The following SCARF1 variants were observed in gnomAD, a reference collection of about 807,000 sequenced individuals.
The protein encoded by SCARF1 is acetyl LDL receptor.
In SCARF1, 49 loss-of-function variants were observed where a neutral mutation model predicts 76.3. That is an observed-to-expected ratio of 0.64 (90% CI 0.51 to 0.81). The LOEUF is 0.81. Among genes scored for constraint, SCARF1 ranks in the 40% least tolerant of loss-of-function variants. The pLI is 0.00. For missense variants in SCARF1, 1,098 were observed against 1,143.9 expected (o/e 0.96, Z 0.58); for synonymous variants, 495 against 474.6 (o/e 1.04, Z -0.56).
intron 6 of SCARF1, 76 bp from the exon 7 acceptor site, chr17:1,639,818 T>G: frequency 6.2e-7 from 1 of 1,605,258 alleles, no homozygotes; most frequent in Non-Finnish European, 8.5e-7. Flanking sequence ...GCAGGGAGAT[T>G]TCTGGGCACT....
chr17:1,640,473 A>G lies in SCARF1; in HGVS notation c.985T>C (p.Cys329Arg), dbSNP rs1427875449. 1 of 1,565,012 alleles carries G rather than the reference A, an allele frequency of 6.4e-7. No individual in the cohort carries two copies. The highest frequency in any genetic ancestry group is 1.4e-5 in the African/African-American group (1 of 73,492). Residue 329 changes from cysteine to arginine, a missense_variant, in exon 5 of 11, where the codon TGT (cysteine) becomes CGT (arginine). By Grantham distance (180) the Cys-to-Arg change is radical (BLOSUM62 -3). Coordinates refer to ENST00000263071, the MANE Select transcript of SCARF1 (RefSeq NM_003693.4). The surrounding 1 kb of genome is among the most constrained non-coding windows in gnomAD (Gnocchi z 4.7). ...CEPDTGHCQRCDPGWLGPRCE... is the reference protein window; with the variant it reads ...CEPDTGHCQRRDPGWLGPRCE... Reference sequence around the variant, plus strand: ...CTGGGCCCCAGCCAGCCAGGGTCACAGCGCTGACAGTGGCCAGTATCTGGC... The same window carrying G: ...CTGGGCCCCAGCCAGCCAGGGTCACGGCGCTGACAGTGGCCAGTATCTGGC...
Position 1,643,693 on chromosome 17 carries a change from C to T in SCARF1, c.540G>A (p.Val180=), listed in dbSNP as rs1308677931. The T allele has an allele frequency of 7.6e-6, 11 of 1,447,888 alleles. No individual in the cohort carries two copies. Among genetic ancestry groups the T allele is most frequent in the Non-Finnish European group, 9.0e-6 (10 of 1,108,108 alleles). 89.7% of individuals were successfully genotyped at this position (1,447,888 alleles called of 1,614,324 possible). ...GGCGCCCCCACCAGCCCGGCTTGCA[C>T]ACGCAGGCGCCCGTGGCCTGCTCGC... ...ARCEQATGAC[V]CKPGWWGRRC... is the part of the protein sequence containing the mutation. Residue 180 remains valine, a synonymous_variant, in exon 4 of 11, where the codon GTG becomes GTA. Coordinates refer to ENST00000263071, the MANE Select transcript of SCARF1 (RefSeq NM_003693.4).
In SCARF1 at chr17:1,634,568, T is replaced by G; in HGVS notation, c.*190A>C. ...CCCTTCCTGACCCCATCCTACAGGG[T>G]CTCTGCCCAGGCCTTCCTGGGCCCC... On this transcript the variant is annotated 3_prime_UTR_variant, in exon 11 of 11. Coordinates refer to ENST00000263071, the MANE Select transcript of SCARF1 (RefSeq NM_003693.4). 1 of 644,028 alleles carries G rather than the reference T, an allele frequency of 1.6e-6. No homozygotes were observed. Among genetic ancestry groups the G allele is most frequent in the Non-Finnish European group, 2.5e-6 (1 of 400,392 alleles). 39.9% of individuals were successfully genotyped at this position (644,028 alleles called of 1,614,324 possible).
rs1909979472 is a variant in SCARF1, at chr17:1,640,679, G to A, written c.792-13C>T. ...GCAGCGGCCACAGCTGGGAAGAGAA[G>A]GGCTTCGTGGGAACAGTGGGGGTGG... On this transcript the variant is annotated splice_polypyrimidine_tract_variant and intron_variant, in intron 4 of 10. Transcript: ENST00000263071. The surrounding 1 kb of genome is among the most constrained non-coding windows in gnomAD (Gnocchi z 4.7). 1.2e-6 allele frequency: 2 copies of A among 1,606,770 alleles called. No homozygotes were observed. Among genetic ancestry groups the A allele is most frequent in the Non-Finnish European group, 8.5e-7 (1 of 1,176,354 alleles).
chr17:1,634,741 C>G lies in SCARF1; in HGVS notation c.*17G>C. ...GTCTAGTCCATCCACTCTCCCCACT[C>G]CCCAAATTCAAGGTCATCAGGGTTC... is the stretch of plus-strand genomic sequence containing the variant. On this transcript the variant is annotated 3_prime_UTR_variant, in exon 11 of 11. Coordinates refer to ENST00000263071, the MANE Select transcript of SCARF1 (RefSeq NM_003693.4). 1 of 1,567,642 alleles carries G rather than the reference C, an allele frequency of 6.4e-7. No individual in the cohort carries two copies. Among genetic ancestry groups the G allele is most frequent in the Non-Finnish European group, 8.7e-7 (1 of 1,153,578 alleles).
intron 7 of SCARF1, among the ~76,000 whole-genome samples, chr17:1,639,154 G>A (rs747866433): frequency 4.6e-5 from 7 of 152,312 alleles, no homozygotes; most frequent in South Asian, 2.1e-4. Context: ...TCGCAGGGGC[G>A]GGGGCTCTGT....
Position 1,644,968 on chromosome 17 carries a change from G to A in SCARF1, c.164-33C>T. 1 of 1,604,462 alleles carries A rather than the reference G, an allele frequency of 6.2e-7. No homozygotes were observed. Among genetic ancestry groups the A allele is most frequent in the Non-Finnish European group, 8.5e-7 (1 of 1,175,368 alleles). On this transcript the variant is annotated intron_variant, in intron 2 of 10. Coordinates refer to ENST00000263071, the MANE Select transcript of SCARF1 (RefSeq NM_003693.4). The surrounding 1 kb of genome is among the most constrained non-coding windows in gnomAD (Gnocchi z 4.8). ...ACACCCCACCCAGGTTGGAAAGACGGGAGCAGGACCAGGGGACACCCCTGC... is the reference window on the plus strand; with the variant it reads ...ACACCCCACCCAGGTTGGAAAGACGAGAGCAGGACCAGGGGACACCCCTGC...
Position 1,643,669 on chromosome 17 carries a change from G to T in SCARF1, c.564C>A (p.Arg188=). 6.8e-7 allele frequency: 1 copy of T among 1,467,322 alleles called. No homozygotes were observed. The highest frequency in any genetic ancestry group is 9.0e-7 in the Non-Finnish European group (1 of 1,116,760). 90.9% of individuals were successfully genotyped at this position (1,467,322 alleles called of 1,614,324 possible). ...ACVCKPGWWG[R]RCSFRCNCHG... ...GGCAGTTGCAGCGGAAGCTGCAGCG[G>T]CGCCCCCACCAGCCCGGCTTGCACA... The change falls in exon 4 of 11, where the codon CGC becomes CGA. Residue 188 remains arginine (R), a synonymous_variant. Transcript: ENST00000263071.
Position 1,636,842 on chromosome 17 carries a change from G to T in SCARF1, c.1500C>A (p.Asp500Glu). 1 of 1,614,020 alleles carries T rather than the reference G, an allele frequency of 6.2e-7. No individual in the cohort carries two copies. Among genetic ancestry groups the T allele is most frequent in the East Asian group, 2.2e-5 (1 of 44,870 alleles). Residue 500 changes from aspartate to glutamate, a missense_variant, in exon 10 of 11, where the codon GAC becomes GAA. Asp to Glu is a conservative substitution (Grantham distance 45). Coordinates refer to ENST00000263071, the MANE Select transcript of SCARF1 (RefSeq NM_003693.4). ...KLPWVTVSHH[D>E]PEVPFNHSFI... is the part of the protein sequence containing the mutation. ...AGCTGTGGTTGAAGGGGACCTCCGG[G>T]TCGTGATGTGAGACTGTAGAGACTC...
Position 1,643,683 on chromosome 17 carries a change from C to A in SCARF1, c.550G>T (p.Gly184Cys), listed in dbSNP as rs1247272360. The A allele has an allele frequency of 6.9e-7, 1 of 1,459,076 alleles. No homozygotes were observed. Among genetic ancestry groups the A allele is most frequent in the Non-Finnish European group, 9.0e-7 (1 of 1,113,168 alleles). 90.4% of individuals were successfully genotyped at this position (1,459,076 alleles called of 1,614,324 possible). ...AAGCTGCAGCGGCGCCCCCACCAGCCCGGCTTGCACACGCAGGCGCCCGTG... is the reference window on the plus strand; with the variant it reads ...AAGCTGCAGCGGCGCCCCCACCAGCACGGCTTGCACACGCAGGCGCCCGTG... ...QATGACVCKPGWWGRRCSFRC... is the reference protein window; with the variant it reads ...QATGACVCKPCWWGRRCSFRC... The change falls in exon 4 of 11, where the codon GGC becomes TGC. Residue 184 changes from glycine (G) to cysteine (C), a missense_variant. By Grantham distance (159) the Gly-to-Cys change is radical. Coordinates refer to ENST00000263071, the MANE Select transcript of SCARF1 (RefSeq NM_003693.4).
At position 1,643,834 on chromosome 17, in the gene SCARF1, G is replaced by T; in HGVS notation, c.399C>A (p.Cys133Ter). 2.4e-6 allele frequency: 3 copies of T among 1,270,072 alleles called. No homozygotes were observed. Among genetic ancestry groups the T allele is most frequent in the Non-Finnish European group, 3.0e-6 (3 of 1,011,038 alleles). 78.7% of individuals were successfully genotyped at this position (1,270,072 alleles called of 1,614,324 possible). Residue 133 changes from cysteine (C) to a stop codon, truncating the protein, a stop_gained, in exon 4 of 11, where the codon TGC (cysteine) becomes TGA (stop). Transcript: ENST00000263071. LOFTEE classifies it high-confidence loss of function. ...CGCAGCGCCCGTGGGGGCCGCAGGCGCACGGGAACTCGCAGCGGGCTCCCC... is the reference window on the plus strand; with the variant it reads ...CGCAGCGCCCGTGGGGGCCGCAGGCTCACGGGAACTCGCAGCGGGCTCCCC... ...DRWGARCEFP[C>*]ACGPHGRCDP...
In SCARF1 at chr17:1,640,373, G is replaced by A; in HGVS notation, c.1010+75C>T. 1 of 1,330,882 alleles carries A rather than the reference G, an allele frequency of 7.5e-7. No individual in the cohort carries two copies. The highest frequency in any genetic ancestry group is 1.0e-6 in the Non-Finnish European group (1 of 962,084). The allele number at this position is 1,330,882 out of a possible 1,614,324, so 82.4% of individuals were successfully genotyped here. ...GAACCTGTGTGTCGGGGAGGGTGGTGCTCTCGGAGAGAGCCGCTGAGCTGA... is the reference window on the plus strand; with the variant it reads ...GAACCTGTGTGTCGGGGAGGGTGGTACTCTCGGAGAGAGCCGCTGAGCTGA... On this transcript the variant is annotated intron_variant, in intron 5 of 10. Coordinates refer to ENST00000263071, the MANE Select transcript of SCARF1 (RefSeq NM_003693.4). The surrounding 1 kb of genome is among the most constrained non-coding windows in gnomAD (Gnocchi z 4.7).
At position 1,639,989 on chromosome 17, in the gene SCARF1, G is replaced by A; in HGVS notation, c.1062C>T (p.Thr354=). Residue 354 remains threonine (T), a synonymous_variant, in exon 6 of 11, where the codon ACC becomes ACT. Coordinates refer to ENST00000263071, the MANE Select transcript of SCARF1 (RefSeq NM_003693.4). Reference sequence around the variant, plus strand: ...AGGACCCCTGAACACAGGTGGGGCAGGTAGAGCCACAGTCTTCCCCAAAGG... The same window carrying A: ...AGGACCCCTGAACACAGGTGGGGCAAGTAGAGCCACAGTCTTCCCCAAAGG... The part of the protein sequence containing the change: ...TGTFGEDCGS[T]CPTCVQGSCD... The A allele has an allele frequency of 6.2e-7, 1 of 1,614,038 alleles. No individual in the cohort carries two copies. The highest frequency in any genetic ancestry group is 8.5e-7 in the Non-Finnish European group (1 of 1,179,998).
At position 1,645,040 on chromosome 17, in the gene SCARF1, C is replaced by G; in HGVS notation, c.164-105G>C. 1 of 1,523,758 alleles carries G rather than the reference C, an allele frequency of 6.6e-7. No homozygotes were observed. The highest frequency in any genetic ancestry group is 9.0e-7 in the Non-Finnish European group (1 of 1,113,022). 94.4% of individuals were successfully genotyped at this position (1,523,758 alleles called of 1,614,324 possible). On this transcript the variant is annotated intron_variant, in intron 2 of 10. Coordinates refer to ENST00000263071, the MANE Select transcript of SCARF1 (RefSeq NM_003693.4). The surrounding 1 kb of genome is among the most constrained non-coding windows in gnomAD (Gnocchi z 6.3). ...CATGCCTCCTCAAGAGGTGCCCCTT[C>G]AGGCCTGGGGGTGCGTCACAGGAGA...
chr17:1,644,321 A>T lies in SCARF1; in HGVS notation c.266-354T>A, dbSNP rs1373932718. 3.4e-6 allele frequency: 1 copy of T among 292,940 alleles called. No homozygotes were observed. Among genetic ancestry groups the T allele is most frequent in the Non-Finnish European group, 6.3e-6 (1 of 158,030 alleles). 18.1% of individuals were successfully genotyped at this position (292,940 alleles called of 1,614,324 possible). A position where few individuals can be genotyped will look rare whatever the true frequency, so the allele number is the denominator to read the frequency against. ...ATGGATCTCTGCTGGGCTGGAGGAG[A>T]GCTGGCTTTCTCCTGATCTCAGGCC... On this transcript the variant is annotated intron_variant, in intron 3 of 10. Transcript: ENST00000263071. This position sits in a 1 kb window ranked among gnomAD's most constrained non-coding sequence, Gnocchi z 4.8.
In SCARF1 at chr17:1,635,047, G is replaced by C. The variant is rs765680418; in HGVS notation, c.2204C>G (p.Ala735Gly). 2 of 1,613,912 alleles carry C rather than the reference G, an allele frequency of 1.2e-6. No individual in the cohort carries two copies. The highest frequency in any genetic ancestry group is 1.1e-5 in the South Asian group (1 of 91,086). ...KRAIPKPPRQ[A>G]LNRKKGSPGL... ...AGGGCTGCCCTTTTTCCGATTCAGG[G>C]CCTGGCGCGGAGGCTTAGGGATGGC... The change falls in exon 11 of 11, where the codon GCC (alanine) becomes GGC (glycine). Residue 735 changes from alanine (A) to glycine (G), a missense_variant. Physicochemically the swap from Ala to Gly is moderately conservative, Grantham distance 60. Transcript: ENST00000263071.
At chr17:1,643,396 C>G in intron 4 of SCARF1, 46 bp downstream of exon 4, 2 of 739,078 alleles carry the variant, frequency 2.7e-6, no homozygotes, top group East Asian at 7.2e-5. Context: ...TCACTTGTGT[C>G]CGCCCCCGCC....
In SCARF1 at chr17:1,640,597, G is replaced by A. The variant is rs1356059286; in HGVS notation, c.861C>T (p.Gly287=). 2 of 1,612,188 alleles carry A rather than the reference G, an allele frequency of 1.2e-6. No homozygotes were observed. Among genetic ancestry groups the A allele is most frequent in the Non-Finnish European group, 1.7e-6 (2 of 1,179,632 alleles). Reference sequence around the variant, plus strand: ...GCTGCTGGCACTGGGTCCCGTTCCAGCCCGGCTCGCAGGACTCACAGCTGC... The same window carrying A: ...GCTGCTGGCACTGGGTCCCGTTCCAACCCGGCTCGCAGGACTCACAGCTGC... The part of the protein sequence containing the change: ...DTGSCESCEP[G]WNGTQCQQPC... The change falls in exon 5 of 11, where the codon GGC becomes GGT. Residue 287 remains glycine (G), a synonymous_variant. Transcript: ENST00000263071. The surrounding 1 kb of genome is among the most constrained non-coding windows in gnomAD (Gnocchi z 4.7).
Position 1,645,480 on chromosome 17 carries a change from G to A in SCARF1, c.101+117C>T, listed in dbSNP as rs999748389. 3.3e-6 allele frequency: 5 copies of A among 1,528,246 alleles called. No individual in the cohort carries two copies. The African/African-American group carries it at 6.9e-5, about 21-fold the overall frequency. The allele number at this position is 1,528,246 out of a possible 1,614,324, so 94.7% of individuals were successfully genotyped here. A position where few individuals can be genotyped will look rare whatever the true frequency, so the allele number is the denominator to read the frequency against. On this transcript the variant is annotated intron_variant, in intron 1 of 10. Coordinates refer to ENST00000263071, the MANE Select transcript of SCARF1 (RefSeq NM_003693.4). The surrounding 1 kb of genome is among the most constrained non-coding windows in gnomAD (Gnocchi z 6.3). ...CAGCAGTCCCTTCCTTTCAGCCTAAGCCCCCTTCCTAGTCTCCTCCTTCCC... is the reference window on the plus strand; with the variant it reads ...CAGCAGTCCCTTCCTTTCAGCCTAAACCCCCTTCCTAGTCTCCTCCTTCCC...
Sources: gnomAD v4.1 joint callset for allele counts (sites outside exome capture counted in the v4.1 genomes callset) on GRCh38, gnomAD v4.1.1 for gene constraint, Gnocchi (gnomAD v3.1) non-coding constraint, MANE v1.5 for transcripts, NCBI Gene and HGNC (gene_info 2026-07-23, HGNC 2026-07-21) for gene names.